The following SNTG1 variants were observed in gnomAD, a reference collection of about 807,000 sequenced individuals.
The protein encoded by SNTG1 is gamma-1-syntrophin.
A neutral mutation model predicts 74.7 loss-of-function variants in SNTG1; 39 were observed. The ratio of observed to expected loss-of-function variants is 0.52; its 90% confidence interval spans 0.40 to 0.68. The LOEUF (loss-of-function observed/expected upper bound fraction) is 0.68. Ranked by LOEUF, SNTG1 falls within the 30% of genes least tolerant of loss-of-function variation. The probability of loss-of-function intolerance (pLI) is 0.00; values close to 1 mark genes in which losing one functional copy is unlikely to be tolerated. For missense variants in SNTG1, 685 were observed against 609.5 expected (o/e 1.12, Z -1.30); for synonymous variants, 254 against 217.1 (o/e 1.17, Z -1.49).
chr8:50,165,933 A>G (rs369838512), intron 1 of SNTG1, among the ~76,000 whole-genome samples: 26 of 150,242 alleles, frequency 1.7e-4, no homozygotes, highest in East Asian at 1.0e-3. Flanking sequence ...ATATAGATCA[A>G]TGGAACAGAC....
intron 1 of SNTG1, among the ~76,000 whole-genome samples, chr8:50,103,054 G>C (rs1205351700): frequency 5.9e-5 from 9 of 151,796 alleles, no homozygotes; most frequent in Non-Finnish European, 1.5e-5. Context: ...CTCTTTTTTG[G>C]TTCCATATGA....
rs180831563 is a variant in SNTG1, at chr8:50,150,840, G to A, written c.-102-21721G>A. 3.3e-4 allele frequency among the ~76,000 whole-genome samples: 50 copies of A among 152,230 alleles called. No homozygotes were observed. The East Asian group carries it at 9.3e-3, about 28-fold the overall frequency. ...GTATTTTATTGAGGATTTTTGCATC[G>A]ATGTTCATCAGGGATGTTGGTCTAA... On this transcript the variant is annotated intron_variant, in intron 1 of 18. Coordinates refer to ENST00000642720, the MANE Select transcript of SNTG1 (RefSeq NM_018967.5).
chr8:49,924,482 C>G (rs1012468990), intron 1 of SNTG1, among the ~76,000 whole-genome samples: 1 of 152,002 alleles, frequency 6.6e-6, no homozygotes, highest in Admixed American at 6.6e-5. Context: ...GTTTTAAAAA[C>G]CAAGTTTAGT....
At chr8:50,263,432 ATAT>A (rs2087297930) in intron 2 of SNTG1, among the ~76,000 whole-genome samples, 1 of 152,118 alleles carries the variant, frequency 6.6e-6, no homozygotes, top group Non-Finnish European at 1.5e-5. Context: ...AAAAAAGCAG[ATAT>A]TATGAAAATT....
chr8:50,468,901 T>TGGG (rs2093630018), intron 8 of SNTG1, among the ~76,000 whole-genome samples: 1 of 152,208 alleles, frequency 6.6e-6, no homozygotes, highest in African/African-American at 2.4e-5. Flanking sequence ...AGGTACCTTT[T>TGGG]AACAGAATGT....
chr8:50,593,306 ATGCATAAG>A (rs2094704406), intron 13 of SNTG1, among the ~76,000 whole-genome samples: 1 of 152,196 alleles, frequency 6.6e-6, no homozygotes, highest in African/African-American at 2.4e-5. Context: ...ACACTCCAGA[ATGCATAAG>A]GCTTTCAGAC....
intron 2 of SNTG1, among the ~76,000 whole-genome samples, chr8:50,220,685 T>G (rs2131985352): frequency 6.6e-6 from 1 of 152,086 alleles, no homozygotes; most frequent in African/African-American, 2.4e-5. Flanking sequence ...GGAGCAAGAG[T>G]GCAGCACAGT....
intron 1 of SNTG1, among the ~76,000 whole-genome samples, chr8:50,090,931 G>C (rs2079708566): frequency 6.6e-6 from 1 of 152,048 alleles, no homozygotes; most frequent in Non-Finnish European, 1.5e-5. Flanking sequence ...TATGCTTTTG[G>C]AAAATTTATA....
At chr8:50,029,279 C>A (rs540887381) in intron 1 of SNTG1, among the ~76,000 whole-genome samples, 1 of 152,234 alleles carries the variant, frequency 6.6e-6, no homozygotes, top group Admixed American at 6.5e-5. Flanking sequence ...GTGTAATAAT[C>A]TCAATGGGTA....
At position 50,531,289 on chromosome 8, in the gene SNTG1, A is replaced by T. The variant is rs186699962; in HGVS notation, c.549+1030A>T. 2.7e-4 allele frequency among the ~76,000 whole-genome samples: 41 copies of T among 151,512 alleles called. 1 individual carries two copies. The East Asian group carries it at 4.3e-3, about 16-fold the overall frequency. ...AAATCTAGGGATATTTTCTAAAACC[A>T]TCTTCAGCTGGATATATTTCATGTG... On this transcript the variant is annotated intron_variant, in intron 10 of 18. Transcript: ENST00000642720.
In SNTG1 at chr8:50,553,084, G is replaced by A. The variant is rs1461192201; in HGVS notation, c.715G>A (p.Val239Ile). Residue 239 changes from valine to isoleucine, a missense_variant, in exon 12 of 19, where the codon GTC becomes ATC. Physicochemically the swap from Val to Ile is conservative, Grantham distance 29. Transcript: ENST00000642720. ...NAFQVIAVDG[V>I]CTGIIQCLSA... is the part of the protein sequence containing the mutation. ...CTTTCAAGTCATTGCTGTGGATGGG[G>A]TCTGCACTGGGATTATTCAGTGCCT... is the stretch of plus-strand genomic sequence containing the variant. 1.2e-6 allele frequency: 2 copies of A among 1,613,808 alleles called. No individual in the cohort carries two copies. Among genetic ancestry groups the A allele is most frequent in the Non-Finnish European group, 1.7e-6 (2 of 1,179,864 alleles).
chr8:49,927,380 A>T (rs1807122535), intron 1 of SNTG1, among the ~76,000 whole-genome samples: 1 of 152,176 alleles, frequency 6.6e-6, no homozygotes, highest in Non-Finnish European at 1.5e-5. Context: ...GAATACATAA[A>T]CTCTGGTACT....
chr8:50,617,378 T>TCACACA (rs3999830), intron 13 of SNTG1, among the ~76,000 whole-genome samples: 260 of 147,038 alleles, frequency 1.8e-3, no homozygotes, highest in African/African-American at 4.8e-3. Flanking sequence ...AGTAAGCATT[T>TCACACA]CACACACACA....
At chr8:50,333,742 C>T (rs899801366) in intron 2 of SNTG1, among the ~76,000 whole-genome samples, 4 of 152,152 alleles carry the variant, frequency 2.6e-5, no homozygotes, top group Admixed American at 2.6e-4. Flanking sequence ...TGTTTCCAAA[C>T]ATTTCTTAAC....
At chr8:50,523,566 C>G (rs2094197135) in intron 9 of SNTG1, among the ~76,000 whole-genome samples, 1 of 152,140 alleles carries the variant, frequency 6.6e-6, no homozygotes, top group African/African-American at 2.4e-5. Context: ...AGATGGGGAA[C>G]AGCTAGTCAG....
intron 2 of SNTG1, among the ~76,000 whole-genome samples, chr8:50,317,736 A>C (rs529904037): frequency 6.6e-6 from 1 of 152,220 alleles, no homozygotes; most frequent in Admixed American, 6.5e-5. Context: ...TCGTTTGCCT[A>C]TTCATGACAT....
At chr8:50,104,524 A>C (rs890388182) in intron 1 of SNTG1, among the ~76,000 whole-genome samples, 4 of 152,066 alleles carry the variant, frequency 2.6e-5, no homozygotes, top group African/African-American at 9.7e-5. Flanking sequence ...TCCTGGATTC[A>C]TTAATTTTTT....
intron 15 of SNTG1, among the ~76,000 whole-genome samples, chr8:50,674,387 C>T (rs1358313880): frequency 6.6e-6 from 1 of 151,698 alleles, no homozygotes; most frequent in Non-Finnish European, 1.5e-5. Context: ...TTAGACTTTT[C>T]CTGATTTAGT....
At chr8:50,699,397 G>T (rs973485093) in intron 15 of SNTG1, among the ~76,000 whole-genome samples, 2 of 152,034 alleles carry the variant, frequency 1.3e-5, no homozygotes, top group South Asian at 2.1e-4. Context: ...TAGTGAGTTT[G>T]GGGTCCCAAT....
Sources: gnomAD v4.1 joint callset for allele counts (sites outside exome capture counted in the v4.1 genomes callset) on GRCh38, gnomAD v4.1.1 for gene constraint, MANE v1.5 for transcripts, NCBI Gene and HGNC (gene_info 2026-07-23, HGNC 2026-07-21) for gene names.